Variants in ANXA11 observed in about 807,000 individuals in gnomAD.
ANXA11 encodes 56 kDa autoantigen.
A neutral mutation model predicts 64.7 loss-of-function variants in ANXA11; 57 were observed. That is an observed-to-expected ratio of 0.88 (90% CI 0.71 to 1.10). The LOEUF (loss-of-function observed/expected upper bound fraction) is 1.10, where lower values mean the gene tolerates loss of function less well. Ranked by LOEUF, ANXA11 falls within the 50% of genes least tolerant of loss-of-function variation. The probability of loss-of-function intolerance (pLI) is 0.00; values close to 1 mark genes in which losing one functional copy is unlikely to be tolerated. For missense variants in ANXA11, 675 were observed against 670.7 expected, an observed-to-expected ratio of 1.01 and a Z score of -0.07; for synonymous variants, 260 against 265.2, an observed-to-expected ratio of 0.98 and a Z score of 0.19.
Position 80,163,569 on chromosome 10 carries a change from C to G in ANXA11, c.994G>C (p.Gly332Arg). The G allele has an allele frequency of 3.2e-6, 5 of 1,571,844 alleles. No homozygotes were observed. Among genetic ancestry groups the G allele is most frequent in the Non-Finnish European group, 4.3e-6 (5 of 1,157,850 alleles). The change falls in exon 10 of 16, where the codon GGG becomes CGG. Residue 332 changes from glycine to arginine, a missense_variant. Gly to Arg is a moderately radical substitution (Grantham distance 125). Transcript: ENST00000422982. Reference sequence around the variant, plus strand: ...GAGATGAGGAGCCGCTGGAAGTGCCCTGATGTGTCGCTTCGAATGGCCTCT... The same window carrying G: ...GAGATGAGGAGCCGCTGGAAGTGCCGTGATGTGTCGCTTCGAATGGCCTCT... ...LEEAIRSDTS[G>R]HFQRLLISLS... is the part of the protein sequence containing the mutation.
In ANXA11 at chr10:80,186,358, G is replaced by T. The variant is rs535207282; in HGVS notation, c.-57-10203C>A. On this transcript the variant is annotated intron_variant, in intron 1 of 15. Coordinates refer to ENST00000422982, the MANE Select transcript of ANXA11 (RefSeq NM_145868.2). ...GGTCAGGGCAGTGTGACAGGTGGAG[G>T]ATGGGAGTGGGGAGCACACTGGCAT... Among the ~76,000 whole-genome samples the T allele has an allele frequency of 3.9e-5, 6 of 152,232 alleles. No individual in the cohort carries two copies. The East Asian group carries it at 1.2e-3, about 29-fold the overall frequency.
chr10:80,175,414 T>G (rs558783070), intron 2 of ANXA11, among the ~76,000 whole-genome samples: 1 of 152,102 alleles, frequency 6.6e-6, no homozygotes, highest in East Asian at 1.9e-4. Flanking sequence ...CTCAGAGAAA[T>G]GAAGCCAAAA....
chr10:80,170,641 AG>A (rs1260499988), intron 4 of ANXA11, among the ~76,000 whole-genome samples, 158 bp downstream of exon 4: 6 of 152,186 alleles, frequency 3.9e-5, no homozygotes, highest in Non-Finnish European at 4.4e-5. Flanking sequence ...AGGTGGCAGA[AG>A]CCTGATGAAA....
chr10:80,182,253 C>G (rs1347194460), intron 1 of ANXA11, among the ~76,000 whole-genome samples: 2 of 151,682 alleles, frequency 1.3e-5, no homozygotes, highest in Admixed American at 1.3e-4. Context: ...TCTGTGGTTT[C>G]CACTTAATTT....
At chr10:80,197,360 A>C (rs1840211766) in intron 1 of ANXA11, among the ~76,000 whole-genome samples, 1 of 152,224 alleles carries the variant, frequency 6.6e-6, no homozygotes, top group Non-Finnish European at 1.5e-5. Flanking sequence ...CATATAATCA[A>C]GCCACTCAGA....
chr10:80,191,357 C>T (rs193093647), intron 1 of ANXA11, among the ~76,000 whole-genome samples: 129 of 152,172 alleles, frequency 8.5e-4, no homozygotes, highest in African/African-American at 3.0e-3. Flanking sequence ...TACTGCACTC[C>T]GGCCTGGGTG....
rs1589420343 is a variant in ANXA11, at chr10:80,163,632, G to C, written c.950-19C>G. 1 of 1,549,280 alleles carries C rather than the reference G, an allele frequency of 6.5e-7. No individual in the cohort carries two copies. Among genetic ancestry groups the C allele is most frequent in the African/African-American group, 1.4e-5 (1 of 73,108 alleles). ...TTGAATTCTGAAAGGGAGAAGCAAG[G>C]AAGGTCCATCCTGTAGCTCTCTTTA... On this transcript the variant is annotated intron_variant, in intron 9 of 15. Transcript: ENST00000422982.
intron 15 of ANXA11, 22 bp downstream of exon 15, chr10:80,157,619 T>G (rs778842350): frequency 3.1e-6 from 5 of 1,605,634 alleles, no homozygotes; most frequent in Non-Finnish European, 3.4e-6. Flanking sequence ...GGGAGCCCAG[T>G]TGGCCTGCAG....
At chr10:80,178,261 C>T (rs977014840) in intron 1 of ANXA11, among the ~76,000 whole-genome samples, 2 of 152,164 alleles carry the variant, frequency 1.3e-5, no homozygotes, top group Non-Finnish European at 1.5e-5. Flanking sequence ...ATACCTTTCA[C>T]CCTGACCAAT....
chr10:80,179,254 T>C (rs1423740261), intron 1 of ANXA11, among the ~76,000 whole-genome samples: 2 of 152,134 alleles, frequency 1.3e-5, no homozygotes, highest in Non-Finnish European at 2.9e-5. Flanking sequence ...TGCCACATGA[T>C]TGTAAGTTTC....
At chr10:80,181,618 T>G (rs570723755) in intron 1 of ANXA11, among the ~76,000 whole-genome samples, 53 of 152,140 alleles carry the variant, frequency 3.5e-4, no homozygotes, top group Non-Finnish European at 7.2e-4. Context: ...ACCTTACGAT[T>G]TAAAAAATAG....
chr10:80,167,291 G>C lies in ANXA11; in HGVS notation c.584C>G (p.Thr195Ser). 1 of 1,614,172 alleles carries C rather than the reference G, an allele frequency of 6.2e-7. No homozygotes were observed. Among genetic ancestry groups the C allele is most frequent in the Non-Finnish European group, 8.5e-7 (1 of 1,180,022 alleles). Residue 195 changes from threonine (T) to serine (S), a missense_variant, in exon 6 of 16, where the codon ACT becomes AGT. Transcript: ENST00000422982. ...CAGGGGGTCAAAGCCGGGAGCATCAGTGATGGTGCCTCGGCTTCCAAACTA... is the reference window on the plus strand; with the variant it reads ...CAGGGGGTCAAAGCCGGGAGCATCACTGATGGTGCCTCGGCTTCCAAACTA... Reference protein sequence around the residue: ...PTQFGSRGTITDAPGFDPLRD... With the variant: ...PTQFGSRGTISDAPGFDPLRD...
rs954540628 is a variant in ANXA11, at chr10:80,169,006, C to A, written c.524G>T (p.Gly175Val). 3 of 1,546,184 alleles carry A rather than the reference C, an allele frequency of 1.9e-6. No homozygotes were observed. The highest frequency in any genetic ancestry group is 1.4e-5 in the African/African-American group (1 of 72,424). The stretch of plus-strand genomic sequence containing the variant: ...CACAGCGGGGGTGACAGTCCCAGAC[C>A]CCGGGTATCCTGGGTAGCTCGGCAC... The part of the protein sequence containing the change: ...QPVPSYPGYP[G>V]SGTVTPAVPP... The change falls in exon 5 of 16, where the codon GGG becomes GTG. Residue 175 changes from glycine to valine, a missense_variant. By Grantham distance (109) the Gly-to-Val change is moderately radical. Coordinates refer to ENST00000422982, the MANE Select transcript of ANXA11 (RefSeq NM_145868.2).
rs774713383 is a variant in ANXA11 at position 80,152,012 on chromosome 10, T to C, written c.*3841A>G. ...AGCACTCCAAGGTTTCTTTCTTAAA[T>C]TTTGCACCTGAGACAAATGCCACCA... On this transcript the variant is annotated 3_prime_UTR_variant, in exon 16 of 16. Transcript: ENST00000422982. The C allele has an allele frequency of 3.9e-5, 6 of 152,206 alleles. No homozygotes were observed. The highest frequency in any genetic ancestry group is 6.5e-5 in the Admixed American group (1 of 15,278). 9.4% of individuals were successfully genotyped at this position (152,206 alleles called of 1,614,324 possible).
In ANXA11 at chr10:80,178,841, G is replaced by A. The variant is rs1043163890; in HGVS notation, c.-57-2686C>T. 3.3e-5 allele frequency among the ~76,000 whole-genome samples: 5 copies of A among 152,150 alleles called. No homozygotes were observed. The East Asian group carries it at 9.7e-4, about 29-fold the overall frequency. On this transcript the variant is annotated intron_variant, in intron 1 of 15. Transcript: ENST00000422982. ...TAGCGCCCTAGCCCCCATATTCTGG[G>A]CCTTCTAACCTGGGATAGGCCCAGG...
chr10:80,188,075 T>G (rs1564622700), intron 1 of ANXA11, among the ~76,000 whole-genome samples: 1 of 152,022 alleles, frequency 6.6e-6, no homozygotes. Context: ...TCACTGACAT[T>G]GGCTTTCACA....
chr10:80,189,778 G>C (rs12414521), intron 1 of ANXA11, among the ~76,000 whole-genome samples: 10,456 of 152,258 alleles, frequency 0.069, 563 homozygotes, highest in South Asian at 0.2. Flanking sequence ...ATACCTAAAG[G>C]AAATGAAAGC....
chr10:80,170,883 G>A lies in ANXA11; in HGVS notation c.88C>T (p.Pro30Ser). The change falls in exon 4 of 16, where the codon CCT (proline) becomes TCT (serine). Residue 30 changes from proline (P) to serine (S), a missense_variant. By Grantham distance (74) the Pro-to-Ser change is moderately conservative. Coordinates refer to ENST00000422982, the MANE Select transcript of ANXA11 (RefSeq NM_145868.2). ...GGPWGGAAYP[P>S]PPSMPPIGLD... The stretch of plus-strand genomic sequence containing the variant: ...CCGATGGGGGGCATGCTGGGCGGAG[G>A]AGGGTAGGCAGCACCTCCCCAGGGA... 4 of 1,572,312 alleles carry A rather than the reference G, an allele frequency of 2.5e-6. No individual in the cohort carries two copies. The highest frequency in any genetic ancestry group is 2.6e-6 in the Non-Finnish European group (3 of 1,160,590).
At chr10:80,190,296 AG>A (rs36002790) in intron 1 of ANXA11, among the ~76,000 whole-genome samples, 30,297 of 152,116 alleles carry the variant, frequency 0.2, 3,335 homozygotes, top group Non-Finnish European at 0.25. Flanking sequence ...CCACAAAAAG[AG>A]TTGCATGGTT....
Sources: allele counts gnomAD v4.1 joint callset (sites outside exome capture counted in the v4.1 genomes callset), GRCh38; gene constraint gnomAD v4.1.1; transcripts MANE v1.5; gene names NCBI Gene and HGNC (gene_info 2026-07-23, HGNC 2026-07-21).